JARID2: variants seen among roughly 807,000 people sequenced by gnomAD.
JARID2 encodes protein Jumonji.
Under a neutral mutation model 125.6 loss-of-function variants are expected in JARID2, and 21 were observed. The ratio of observed to expected loss-of-function variants is 0.17; its 90% CI spans 0.12 to 0.24. The LOEUF is 0.24. Among genes scored for constraint, JARID2 ranks in the 10% least tolerant of loss-of-function variants. JARID2 has a pLI of 1.00. For synonymous variants in JARID2, 736 were observed against 661.6 expected (o/e 1.11, Z -1.73); for missense variants, 1,303 against 1,639.6 (o/e 0.79, Z 3.55).
intron 1 of JARID2, among the ~76,000 whole-genome samples, chr6:15,303,844 T>C (rs149874342): frequency 6.6e-6 from 1 of 152,324 alleles, no homozygotes; most frequent in Non-Finnish European, 1.5e-5. Context: ...GCCTTCTTTT[T>C]AGTTCACCTG....
intron 1 of JARID2, among the ~76,000 whole-genome samples, chr6:15,299,750 A>C (rs923191487): frequency 2.0e-5 from 3 of 152,146 alleles, no homozygotes; most frequent in Non-Finnish European, 4.4e-5. Context: ...GAAGCTACTC[A>C]GGCAGCCTCT....
chr6:15,467,362 G>A lies in JARID2; in HGVS notation c.494-1180G>A, dbSNP rs551850175. Among the ~76,000 whole-genome samples the A allele has an allele frequency of 2.0e-5, 3 of 152,222 alleles. No individual in the cohort carries two copies. The South Asian group carries it at 6.2e-4, about 32-fold the overall frequency. ...CTGGAGTGTTTTTAGCTCATTCATA[G>A]GCAGGCAAGAGAAGACATGAATTTT... On this transcript the variant is annotated intron_variant, in intron 4 of 17. Coordinates refer to ENST00000341776, the MANE Select transcript of JARID2 (RefSeq NM_004973.4).
chr6:15,295,951 G>T (rs1761396835), intron 1 of JARID2, among the ~76,000 whole-genome samples: 1 of 152,192 alleles, frequency 6.6e-6, no homozygotes, highest in African/African-American at 2.4e-5. Context: ...CTGAGCCACT[G>T]TGCCTGGCAG....
rs555377606 is a variant in JARID2, at chr6:15,337,119, C to T, written c.46-36998C>T. On this transcript the variant is annotated intron_variant, in intron 1 of 17. Transcript: ENST00000341776. Reference sequence around the variant, plus strand: ...CCAAAACCCTGCCATCTCTTTCCTGCGGCTGAGAGGCTCTGCTTCCCTTCA... The same window carrying T: ...CCAAAACCCTGCCATCTCTTTCCTGTGGCTGAGAGGCTCTGCTTCCCTTCA... Among the ~76,000 whole-genome samples the T allele has an allele frequency of 2.4e-4, 36 of 152,244 alleles. No individual in the cohort carries two copies. The South Asian group carries it at 5.8e-3, about 25-fold the overall frequency.
chr6:15,511,995 A>G lies in JARID2; in HGVS notation c.2953-213A>G, dbSNP rs193095584. On this transcript the variant is annotated intron_variant, in intron 13 of 17. Coordinates refer to ENST00000341776, the MANE Select transcript of JARID2 (RefSeq NM_004973.4). ...GGACAGAGGGGCCTGTGTGGTCATC[A>G]TGTCCTCAGCTGTGCATGAACCTGT... Among the ~76,000 whole-genome samples the G allele has an allele frequency of 2.1e-3, 313 of 152,312 alleles. 1 individual carries two copies. The highest frequency in any genetic ancestry group is 3.4e-3 in the Non-Finnish European group (234 of 68,032).
At chr6:15,448,811 C>T (rs553360367) in intron 3 of JARID2, among the ~76,000 whole-genome samples, 1 of 152,070 alleles carries the variant, frequency 6.6e-6, no homozygotes, top group Non-Finnish European at 1.5e-5. Flanking sequence ...CTGGCCATCA[C>T]CAGGTGCCTG....
chr6:15,476,337 GGAGCCGGGACC>G (rs1769339243), intron 5 of JARID2, among the ~76,000 whole-genome samples: 1 of 152,206 alleles, frequency 6.6e-6, no homozygotes, highest in Admixed American at 6.5e-5. Flanking sequence ...CTCTGGTCAT[GGAGCCGGGACC>G]TCTGGCCTCA....
chr6:15,259,056 A>T (rs535450411), intron 1 of JARID2, among the ~76,000 whole-genome samples: 1 of 152,270 alleles, frequency 6.6e-6, no homozygotes, highest in South Asian at 2.1e-4. Context: ...ACACCCAGAC[A>T]TATTTTTGGA....
chr6:15,497,190 CA>C lies in JARID2; in HGVS notation c.1945+21del. The C allele has an allele frequency of 8.6e-6, 13 of 1,518,230 alleles. No individual in the cohort carries two copies. The highest frequency in any genetic ancestry group is 2.0e-5 in the Admixed American group (1 of 49,542). The allele number at this position is 1,518,230 out of a possible 1,614,324, so 94.0% of individuals were successfully genotyped here. On this transcript the variant is annotated intron_variant, in intron 7 of 17. Transcript: ENST00000341776. Reference sequence around the variant, plus strand: ...TCATAGGTAGGTCTGGGCGGGGGGTCAGGGGGTGGTGCCTGCCCTCCTGCCC... The same window carrying C: ...TCATAGGTAGGTCTGGGCGGGGGGTCGGGGGTGGTGCCTGCCCTCCTGCCC...
intron 3 of JARID2, among the ~76,000 whole-genome samples, chr6:15,438,994 T>A (rs962650518): frequency 6.8e-6 from 1 of 147,002 alleles, no homozygotes. Context: ...ATCACGCCAC[T>A]GCACTCCAGC....
intron 2 of JARID2, among the ~76,000 whole-genome samples, chr6:15,401,667 T>C (rs1199491221): frequency 6.6e-6 from 1 of 152,194 alleles, no homozygotes; most frequent in Non-Finnish European, 1.5e-5. Flanking sequence ...CTTCGAGTGC[T>C]CTTGATTCTT....
intron 2 of JARID2, among the ~76,000 whole-genome samples, chr6:15,384,796 C>T (rs927126924): frequency 2.6e-5 from 4 of 152,070 alleles, no homozygotes; most frequent in Non-Finnish European, 4.4e-5. Flanking sequence ...CTCGAACTGC[C>T]GGGCTTAAGT....
At chr6:15,365,776 C>T (rs1419807071) in intron 1 of JARID2, among the ~76,000 whole-genome samples, 1 of 152,134 alleles carries the variant, frequency 6.6e-6, no homozygotes, top group Non-Finnish European at 1.5e-5. Flanking sequence ...CTTTGAAGTG[C>T]TTTTAATTTA....
intron 2 of JARID2, among the ~76,000 whole-genome samples, chr6:15,409,316 T>G (rs181833944): frequency 6.6e-6 from 1 of 152,222 alleles, no homozygotes; most frequent in African/African-American, 2.4e-5. Context: ...ACCGTAAAAC[T>G]GCAGATGCTG....
At chr6:15,354,900 T>G (rs532867487) in intron 1 of JARID2, among the ~76,000 whole-genome samples, 1 of 152,204 alleles carries the variant, frequency 6.6e-6, no homozygotes, top group Non-Finnish European at 1.5e-5. Context: ...ATTTGAGAAC[T>G]GAATATTAGA....
intron 8 of JARID2, 61 bp from the exon 9 acceptor site, chr6:15,504,439 C>T: frequency 3.1e-6 from 4 of 1,278,840 alleles, no homozygotes; most frequent in African/African-American, 2.9e-5. Context: ...GGTGTCTGGC[C>T]TCATTTGCAG....
At chr6:15,414,831 T>C (rs1766061019) in intron 3 of JARID2, among the ~76,000 whole-genome samples, 1 of 152,232 alleles carries the variant, frequency 6.6e-6, no homozygotes, top group Non-Finnish European at 1.5e-5. Flanking sequence ...TTTATTTATT[T>C]TTATTGATCA....
chr6:15,270,828 G>A (rs1459784654), intron 1 of JARID2, among the ~76,000 whole-genome samples: 1 of 151,892 alleles, frequency 6.6e-6, no homozygotes, highest in Admixed American at 6.6e-5. Flanking sequence ...GTAATCCCAG[G>A]TACTTGGGAG....
chr6:15,487,597 C>T (rs1372728819), intron 6 of JARID2, 55 bp downstream of exon 6: 2 of 1,398,080 alleles, frequency 1.4e-6, no homozygotes, highest in East Asian at 4.8e-5. Flanking sequence ...TCCCACTTCA[C>T]TTCACCAAGC....
Sources: allele counts gnomAD v4.1 joint callset (sites outside exome capture counted in the v4.1 genomes callset), GRCh38; gene constraint gnomAD v4.1.1; transcripts MANE v1.5; gene names NCBI Gene and HGNC (gene_info 2026-07-23, HGNC 2026-07-21).